JAZF1: variants seen among roughly 807,000 people sequenced by gnomAD.
The protein encoded by JAZF1 is JAZF zinc finger 1, also known as juxtaposed with another zinc finger protein 1.
A neutral mutation model predicts 26.4 loss-of-function variants in JAZF1; 8 were observed. The ratio of observed to expected loss-of-function variants is 0.30; its 90% CI spans 0.18 to 0.55. The LOEUF (loss-of-function observed/expected upper bound fraction) is 0.55. JAZF1 is among the 20% of genes least tolerant of loss of function. The pLI, the probability that JAZF1 is intolerant of heterozygous loss-of-function variation, is 0.94. For missense variants in JAZF1, 199 were observed against 322.0 expected (o/e 0.62, Z 2.92); for synonymous variants, 126 against 122.3 (o/e 1.03, Z -0.20).
At chr7:28,150,555 C>T (rs1783096963) in intron 1 of JAZF1, among the ~76,000 whole-genome samples, 1 of 152,182 alleles carries the variant, frequency 6.6e-6, no homozygotes, top group African/African-American at 2.4e-5. Context: ...GTTTTTTTCT[C>T]ATTGCATGAG....
chr7:28,068,008 G>A (rs1222380812), intron 1 of JAZF1, among the ~76,000 whole-genome samples: 5 of 152,104 alleles, frequency 3.3e-5, no homozygotes, highest in Non-Finnish European at 7.4e-5. Flanking sequence ...CCACCTCCCG[G>A]GTTCAAGTGA....
intron 1 of JAZF1, among the ~76,000 whole-genome samples, chr7:28,136,645 A>C (rs142454585): frequency 6.6e-6 from 1 of 152,354 alleles, no homozygotes; most frequent in East Asian, 1.9e-4. Context: ...TTCCACACAC[A>C]CCACAATTTC....
At chr7:27,934,395 A>G (rs1784731218) in intron 2 of JAZF1, among the ~76,000 whole-genome samples, 1 of 152,204 alleles carries the variant, frequency 6.6e-6, no homozygotes, top group African/African-American at 2.4e-5. Context: ...CACCACCTAA[A>G]GGGCATTTCA....
intron 1 of JAZF1, chr7:27,992,231 C>A (rs1409254393): frequency 1.8e-6 from 1 of 570,366 alleles, no homozygotes; most frequent in Admixed American, 2.2e-5. Flanking sequence ...CAAACTCTTG[C>A]ACAATCCCCC....
At chr7:28,087,972 T>TA (rs1784235616) in intron 1 of JAZF1, among the ~76,000 whole-genome samples, 1 of 152,182 alleles carries the variant, frequency 6.6e-6, no homozygotes, top group Non-Finnish European at 1.5e-5. Context: ...CAAAGGGCCT[T>TA]TATTTCTTTT....
At chr7:28,063,026 A>G (rs1783825397) in intron 1 of JAZF1, among the ~76,000 whole-genome samples, 1 of 152,240 alleles carries the variant, frequency 6.6e-6, no homozygotes, top group South Asian at 2.1e-4. Flanking sequence ...TGATGCAAGA[A>G]AACATCTAAG....
chr7:27,856,050 T>G (rs1004060667), intron 3 of JAZF1, among the ~76,000 whole-genome samples: 1 of 152,222 alleles, frequency 6.6e-6, no homozygotes, highest in Non-Finnish European at 1.5e-5. Flanking sequence ...GATGCAAGTG[T>G]GTCCGGAATT....
At chr7:28,133,681 C>G (rs1271488428) in intron 1 of JAZF1, among the ~76,000 whole-genome samples, 1 of 152,188 alleles carries the variant, frequency 6.6e-6, no homozygotes, top group African/African-American at 2.4e-5. Flanking sequence ...TCCCAGGACA[C>G]CAGCTCCCCC....
intron 1 of JAZF1, among the ~76,000 whole-genome samples, chr7:28,123,530 G>A (rs561119183): frequency 8.5e-5 from 13 of 152,178 alleles, no homozygotes; most frequent in African/African-American, 1.9e-4. Flanking sequence ...GTAGGCACTC[G>A]GGAAAGATTA....
chr7:27,886,115 G>A (rs1030592575), intron 3 of JAZF1, among the ~76,000 whole-genome samples: 6 of 152,156 alleles, frequency 3.9e-5, no homozygotes, highest in African/African-American at 1.4e-4. Context: ...TTCTGAACTG[G>A]TGGTTTAAGT....
In JAZF1 at chr7:28,161,643, A is replaced by G. The variant is rs982732780; in HGVS notation, c.115+18820T>C. 1.4e-4 allele frequency among the ~76,000 whole-genome samples: 22 copies of G among 152,326 alleles called. No homozygotes were observed. In the East Asian group the frequency reaches 2.9e-3, roughly 20 times the overall value. ...GGTCCCCATGGCAAAGTGAAAAGCA[A>G]TAAGTCCCTCTGGGGCTTCCCTGCC... On this transcript the variant is annotated intron_variant, in intron 1 of 4. Transcript: ENST00000283928.
At chr7:27,910,506 G>C (rs1198782693) in intron 2 of JAZF1, among the ~76,000 whole-genome samples, 3 of 152,168 alleles carry the variant, frequency 2.0e-5, no homozygotes, top group African/African-American at 7.2e-5. Context: ...CACTAATCCT[G>C]GGCATCAGCT....
chr7:27,934,146 T>C (rs1784728380), intron 2 of JAZF1, among the ~76,000 whole-genome samples: 1 of 152,200 alleles, frequency 6.6e-6, no homozygotes, highest in Non-Finnish European at 1.5e-5. Flanking sequence ...GTATGCTCAT[T>C]TGTTAGTCAG....
chr7:27,870,204 C>T (rs529259275), intron 3 of JAZF1, among the ~76,000 whole-genome samples: 142 of 151,182 alleles, frequency 9.4e-4, no homozygotes, highest in African/African-American at 3.0e-3. Flanking sequence ...GGATTACAGG[C>T]GTGAGCCACC....
intron 1 of JAZF1, among the ~76,000 whole-genome samples, chr7:28,049,647 T>C (rs1360441310): frequency 6.6e-6 from 1 of 152,196 alleles, no homozygotes; most frequent in Non-Finnish European, 1.5e-5. Context: ...CAACTGGCTA[T>C]AAACAGGAAG....
At chr7:28,058,682 CTATT>C (rs1002440836) in intron 1 of JAZF1, among the ~76,000 whole-genome samples, 3 of 152,190 alleles carry the variant, frequency 2.0e-5, no homozygotes, top group Non-Finnish European at 4.4e-5. Context: ...ATTTTCATTA[CTATT>C]TATTTCTAAA....
chr7:27,906,966 A>C (rs1478633877), intron 2 of JAZF1, among the ~76,000 whole-genome samples: 1 of 152,228 alleles, frequency 6.6e-6, no homozygotes, highest in South Asian at 2.1e-4. Context: ...AAATTAAATG[A>C]GTTATTGAGG....
intron 2 of JAZF1, among the ~76,000 whole-genome samples, chr7:27,936,232 G>T (rs528529421): frequency 6.6e-6 from 1 of 152,210 alleles, no homozygotes; most frequent in Non-Finnish European, 1.5e-5. Context: ...GTCAGGCTGA[G>T]CCTGGAAGAA....
intron 1 of JAZF1, among the ~76,000 whole-genome samples, chr7:28,026,881 C>A (rs1783103408): frequency 6.6e-6 from 1 of 152,240 alleles, no homozygotes; most frequent in South Asian, 2.1e-4. Flanking sequence ...TACTGCACCG[C>A]TTACCTCAGT....
Sources: allele counts gnomAD v4.1 joint callset (sites outside exome capture counted in the v4.1 genomes callset), GRCh38; gene constraint gnomAD v4.1.1; transcripts MANE v1.5; gene names NCBI Gene and HGNC (gene_info 2026-07-23, HGNC 2026-07-21).